Variants in KRT26 observed in about 807,000 individuals in gnomAD.
The protein encoded by KRT26 is keratin 26, also known as keratin, type I cytoskeletal 26.
KRT26 carries 45 observed loss-of-function variants against 46.1 expected under a neutral mutation model. The ratio of observed to expected loss-of-function variants is 0.98; its 90% CI spans 0.77 to 1.25. KRT26 has a LOEUF of 1.25. Ranked by LOEUF, KRT26 falls within the 50% of genes most tolerant of loss-of-function variation. The pLI, the probability that KRT26 is intolerant of heterozygous loss-of-function variation, is 0.00. For synonymous variants in KRT26, 191 were observed against 209.9 expected, an observed-to-expected ratio of 0.91 and a Z score of 0.78; for missense variants, 582 against 560.1, an observed-to-expected ratio of 1.04 and a Z score of -0.39.
At chr17:40,768,836 G>A (rs762281540) in intron 6 of KRT26, 43 bp downstream of exon 6, 1 of 1,141,478 alleles carries the variant, frequency 8.8e-7, no homozygotes, top group Admixed American at 2.5e-5. Context: ...GGAAAACCTA[G>A]TTAATGTGAG....
In KRT26 at chr17:40,772,067, G is replaced by A. The variant is rs867267799; in HGVS notation, c.47C>T (p.Thr16Ile). The A allele has an allele frequency of 3.1e-6, 5 of 1,614,134 alleles. No individual in the cohort carries two copies. In the Middle Eastern group the frequency reaches 8.2e-4, roughly 266 times the overall value. Reference sequence around the variant, plus strand: ...TCCACCGGACAGCCTACCAGACCCAGTTCGCGAGCAGATCCTCCTGGATCC... The same window carrying A: ...TCCACCGGACAGCCTACCAGACCCAATTCGCGAGCAGATCCTCCTGGATCC... Residue 16 changes from threonine to isoleucine, a missense_variant, in exon 1 of 8, where the codon ACT becomes ATT. Physicochemically the swap from Thr to Ile is moderately conservative, Grantham distance 89. Coordinates refer to ENST00000335552, the Ensembl canonical transcript of KRT26.
At chr17:40,769,181 CTG>C (rs2038197013) in intron 5 of KRT26, 85 bp from the exon 6 acceptor site, 1 of 860,072 alleles carries the variant, frequency 1.2e-6, no homozygotes, top group Non-Finnish European at 1.8e-6. Flanking sequence ...TTTTTTGAGA[CTG>C]TGTCTTGCTC....
At chr17:40,766,304 C>T (rs1475451027) in exon 8 of KRT26, 5 of 376,092 alleles carry the variant, frequency 1.3e-5, no homozygotes, top group Non-Finnish European at 2.3e-5. Flanking sequence ...AAATTAGGGA[C>T]AGAGCAGGAT....
At chr17:40,769,065 G>C (rs772474041) in exon 6 of KRT26, 2 of 1,613,812 alleles carry the variant, frequency 1.2e-6, no homozygotes, top group Non-Finnish European at 1.7e-6. Flanking sequence ...ATTTCCTTCA[G>C]TCTCAGCCAA....
In KRT26 at chr17:40,772,029, C is replaced by T. The variant is rs774474058; in HGVS notation, c.85G>A (p.Val29Met). ...GATCCAACACACACATTCCCAGCCACGAAGCCTGTTCCTCCACCGGACAGC... is the reference window on the plus strand; with the variant it reads ...GATCCAACACACACATTCCCAGCCATGAAGCCTGTTCCTCCACCGGACAGC... Residue 29 changes from valine (V) to methionine (M), a missense_variant, in exon 1 of 8, where the codon GTG (valine) becomes ATG (methionine). Val to Met is a conservative substitution (Grantham distance 21). Coordinates refer to ENST00000335552, the Ensembl canonical transcript of KRT26. 44 of 1,614,042 alleles carry T rather than the reference C, an allele frequency of 2.7e-5. No individual in the cohort carries two copies. Among genetic ancestry groups the T allele is most frequent in the South Asian group, 4.4e-5 (4 of 91,086 alleles).
At chr17:40,766,504 C>G in exon 8 of KRT26, 8 of 1,534,382 alleles carry the variant, frequency 5.2e-6, no homozygotes, top group Non-Finnish European at 5.3e-6. Context: ...TTCCAAATAA[C>G]TTTTTCCTCA....
intron 1 of KRT26, 112 bp downstream of exon 1, chr17:40,771,561 G>C: frequency 1.1e-6 from 1 of 920,862 alleles, no homozygotes; most frequent in Non-Finnish European, 1.6e-6. Flanking sequence ...GAAATACAGA[G>C]TGAACAAATC....
chr17:40,771,757 G>A (rs143336266), exon 1 of KRT26: 47 of 1,614,096 alleles, frequency 2.9e-5, no homozygotes, highest in African/African-American at 2.1e-4. Context: ...CACATTTCTC[G>A]TACCAGCCCT....
exon 5 of KRT26, chr17:40,769,849 G>T (rs1357321895): frequency 1.2e-6 from 2 of 1,614,166 alleles, no homozygotes; most frequent in South Asian, 2.2e-5. Flanking sequence ...GCTCCCTCAT[G>T]ATCGGAAATC....
At chr17:40,767,471 A>G (rs2038180988) in intron 7 of KRT26, 115 bp downstream of exon 7, 2 of 556,940 alleles carry the variant, frequency 3.6e-6, no homozygotes, top group East Asian at 3.1e-5. Context: ...TCATCCCTTT[A>G]TTCACCAGAA....
At chr17:40,766,510 C>A in exon 8 of KRT26, 2 of 1,537,498 alleles carry the variant, frequency 1.3e-6, no homozygotes, top group South Asian at 1.3e-5. Flanking sequence ...ATAACTTTTT[C>A]CTCATTATGG....
chr17:40,766,474 CTCTCTCTT>C lies in KRT26; in HGVS notation c.*33_*40del, dbSNP rs931003786. ...AGCCTTTCTTTCTTTCTTTCTCTCTCTCTCTCTTTCTTTCTTTCTTTCCAAATAACTTT... is the reference window on the plus strand; with the variant it reads ...AGCCTTTCTTTCTTTCTTTCTCTCTCTCTTTCTTTCTTTCCAAATAACTTT... On this transcript the variant is annotated 3_prime_UTR_variant, in exon 8 of 8. Transcript: ENST00000335552. 8 of 1,448,520 alleles carry C rather than the reference CTCTCTCTT, an allele frequency of 5.5e-6. No homozygotes were observed. The African/African-American group carries it at 1.0e-4, about 18-fold the overall frequency. The allele number at this position is 1,448,520 out of a possible 1,614,324, so 89.7% of individuals were successfully genotyped here.
At chr17:40,771,168 A>T in exon 2 of KRT26, 1 of 1,597,510 alleles carries the variant, frequency 6.3e-7, no homozygotes, top group Middle Eastern at 1.7e-4. Flanking sequence ...GCCTGAAGTC[A>T]TCAGCGGTCA....
chr17:40,770,319 G>A (rs780850839), exon 3 of KRT26: 16 of 1,613,962 alleles, frequency 9.9e-6, no homozygotes, highest in East Asian at 4.5e-5. Flanking sequence ...TCTCCAGGTC[G>A]GTTGTACAAA....
rs183460150 is a variant in KRT26, at chr17:40,771,237, C to G, written c.442-1G>C. 1.7e-5 allele frequency: 27 copies of G among 1,567,300 alleles called. No homozygotes were observed. The East Asian group carries it at 5.8e-4, about 34-fold the overall frequency. The stretch of plus-strand genomic sequence containing the variant: ...CATTGCAGATGGTCGCAGAAATAAT[C>G]TAAATAGGGAAGATTGTGAAAAATG... On this transcript the variant is annotated splice_acceptor_variant, in intron 1 of 7. Transcript: ENST00000335552. LOFTEE classifies it high-confidence loss of function.
intron 3 of KRT26, 38 bp from the exon 4 acceptor site, chr17:40,770,160 TTTGA>T (rs1287262965): frequency 6.2e-7 from 1 of 1,612,878 alleles, no homozygotes; most frequent in Admixed American, 1.7e-5. Context: ...AGTGGAGGAT[TTTGA>T]TTGATGTTCA....
At chr17:40,767,417 C>A (rs567621312) in intron 7 of KRT26, among the ~76,000 whole-genome samples, 169 bp downstream of exon 7, 1 of 152,118 alleles carries the variant, frequency 6.6e-6, no homozygotes, top group Non-Finnish European at 1.5e-5. Flanking sequence ...TGTTGATCTA[C>A]GGGAATATAA....
chr17:40,770,074 T>C (rs1567674141), exon 4 of KRT26: 1 of 1,614,152 alleles, frequency 6.2e-7, no homozygotes, highest in Non-Finnish European at 8.5e-7. Flanking sequence ...GTTGCATTCA[T>C]CTCCACGTTC....
chr17:40,768,407 T>C (rs1186136051), intron 6 of KRT26, among the ~76,000 whole-genome samples: 1 of 152,242 alleles, frequency 6.6e-6, no homozygotes, highest in Admixed American at 6.5e-5. Flanking sequence ...ACCCAGTATT[T>C]GATTCACAGC....
Sources: gnomAD v4.1 joint callset for allele counts (sites outside exome capture counted in the v4.1 genomes callset) on GRCh38, gnomAD v4.1.1 for gene constraint, MANE v1.5 for transcripts, NCBI Gene and HGNC (gene_info 2026-07-23, HGNC 2026-07-21) for gene names.